Variants in CNBD1 observed in about 807,000 individuals in gnomAD.
The protein encoded by CNBD1 is cyclic nucleotide-binding domain-containing protein 1.
A neutral mutation model predicts 54.4 loss-of-function variants in CNBD1; 71 were observed. The observed-to-expected ratio is 1.30, with a 90% confidence interval of 1.08 to 1.59. CNBD1 has a LOEUF of 1.59. CNBD1 is among the 40% of genes most tolerant of loss of function. The pLI is 0.00. For synonymous variants in CNBD1, 182 were observed against 170.7 expected, an observed-to-expected ratio of 1.07 and a Z score of -0.51; for missense variants, 659 against 518.0, an observed-to-expected ratio of 1.27 and a Z score of -2.64.
At chr8:87,361,269 A>G (rs1446895048) in intron 10 of CNBD1, among the ~76,000 whole-genome samples, 3 of 151,974 alleles carry the variant, frequency 2.0e-5, no homozygotes, top group Non-Finnish European at 4.4e-5. Context: ...TGTAAGTTAC[A>G]AAGTTGAGTG....
intron 3 of CNBD1, among the ~76,000 whole-genome samples, chr8:86,924,304 A>G (rs893961708): frequency 6.6e-6 from 1 of 152,148 alleles, no homozygotes; most frequent in Non-Finnish European, 1.5e-5. Context: ...ACAATTAGTA[A>G]TAATTGTAGG....
intron 8 of CNBD1, among the ~76,000 whole-genome samples, chr8:87,299,888 T>C (rs7833289): frequency 0.38 from 57,550 of 152,044 alleles, 11,156 homozygotes; most frequent in Middle Eastern, 0.45. Flanking sequence ...TATGCAGTGA[T>C]CTTCCATCTC....
chr8:86,893,632 A>C (rs1481154234), intron 2 of CNBD1, among the ~76,000 whole-genome samples: 3 of 152,134 alleles, frequency 2.0e-5, no homozygotes, highest in African/African-American at 7.2e-5. Flanking sequence ...CCATATCACT[A>C]CAGTTAGCCT....
intron 2 of CNBD1, among the ~76,000 whole-genome samples, chr8:87,420,672 T>A (rs1807917895): frequency 6.6e-6 from 1 of 152,128 alleles, no homozygotes; most frequent in Non-Finnish European, 1.5e-5. Context: ...CTTTTGCTAT[T>A]TAAATATAAT....
chr8:87,400,382 A>G (rs954899143), intron 2 of CNBD1, among the ~76,000 whole-genome samples: 1 of 151,970 alleles, frequency 6.6e-6, no homozygotes, highest in Non-Finnish European at 1.5e-5. Context: ...GAATTCCTGA[A>G]AGACTACCAT....
chr8:86,934,634 A>G (rs1280373190), intron 3 of CNBD1, among the ~76,000 whole-genome samples: 1 of 152,178 alleles, frequency 6.6e-6, no homozygotes, highest in East Asian at 1.9e-4. Flanking sequence ...TAATTTTGTC[A>G]TATTAAGTTT....
At chr8:87,415,970 T>C (rs1807827465) in intron 2 of CNBD1, among the ~76,000 whole-genome samples, 1 of 151,660 alleles carries the variant, frequency 6.6e-6, no homozygotes, top group Non-Finnish European at 1.5e-5. Context: ...AAAAAAATCA[T>C]ATGGACATTA....
intron 1 of CNBD1, among the ~76,000 whole-genome samples, chr8:86,883,608 A>G (rs985680293): frequency 6.6e-6 from 1 of 152,204 alleles, no homozygotes; most frequent in African/African-American, 2.4e-5. Context: ...AAAACCCAGT[A>G]AGAAGAAACT....
chr8:87,370,146 G>T (rs1810745199), intron 10 of CNBD1, among the ~76,000 whole-genome samples: 1 of 151,652 alleles, frequency 6.6e-6, no homozygotes, highest in South Asian at 2.1e-4. Flanking sequence ...ATTTGGGTTG[G>T]TTCCAAGTCT....
At chr8:86,985,966 T>C (rs1444190615) in intron 4 of CNBD1, among the ~76,000 whole-genome samples, 1 of 152,168 alleles carries the variant, frequency 6.6e-6, no homozygotes, top group African/African-American at 2.4e-5. Flanking sequence ...AGTCTTGCTA[T>C]GTTGCCCAGG....
chr8:87,413,036 A>G (rs1807775008), intron 2 of CNBD1, among the ~76,000 whole-genome samples: 1 of 151,976 alleles, frequency 6.6e-6, no homozygotes, highest in African/African-American at 2.4e-5. Flanking sequence ...TAGGTCTAGA[A>G]TATAGGAGGG....
intron 10 of CNBD1, among the ~76,000 whole-genome samples, chr8:87,381,923 G>C (rs1586066709): frequency 6.6e-6 from 1 of 151,856 alleles, no homozygotes; most frequent in Non-Finnish European, 1.5e-5. Flanking sequence ...TGGATCTGCT[G>C]TACAACATTC....
intron 4 of CNBD1, among the ~76,000 whole-genome samples, chr8:87,025,600 G>A (rs1430066241): frequency 2.7e-5 from 4 of 150,592 alleles, no homozygotes; most frequent in Non-Finnish European, 5.9e-5. Flanking sequence ...TATGCCACCT[G>A]TAAGAGCTGT....
chr8:87,122,389 A>T (rs1292925208), intron 4 of CNBD1, among the ~76,000 whole-genome samples: 1 of 151,786 alleles, frequency 6.6e-6, no homozygotes, highest in African/African-American at 2.4e-5. Flanking sequence ...TGCCCATTTT[A>T]AAATTGGCTT....
intron 6 of CNBD1, among the ~76,000 whole-genome samples, chr8:87,283,157 A>G (rs1182506783): frequency 6.6e-6 from 1 of 152,022 alleles, no homozygotes; most frequent in Non-Finnish European, 1.5e-5. Flanking sequence ...TATATTATCC[A>G]TGTAATGAAT....
At chr8:87,386,513 A>C (rs1249260107), downstream of CNBD1, among the ~76,000 whole-genome samples, 1 of 152,204 alleles carries the variant, frequency 6.6e-6, no homozygotes, top group East Asian at 1.9e-4. Context: ...AATGGGTATC[A>C]GTGATTGAAG....
At chr8:87,183,089 G>T (rs1366491628) in intron 4 of CNBD1, among the ~76,000 whole-genome samples, 1 of 152,036 alleles carries the variant, frequency 6.6e-6, no homozygotes, top group Non-Finnish European at 1.5e-5. Flanking sequence ...TGGTGAAAGG[G>T]CAGGGTCCAG....
At chr8:87,035,924 G>C (rs569458131) in intron 4 of CNBD1, among the ~76,000 whole-genome samples, 5 of 152,132 alleles carry the variant, frequency 3.3e-5, no homozygotes, top group Non-Finnish European at 7.4e-5. Flanking sequence ...AGAATGAGAT[G>C]AAGAATTCCC....
intron 10 of CNBD1, among the ~76,000 whole-genome samples, chr8:87,380,573 A>G (rs1811053664): frequency 2.0e-5 from 3 of 151,982 alleles, no homozygotes; most frequent in Admixed American, 1.3e-4. Context: ...TAGGATTTTA[A>G]TAGAAGTTTT....
Sources: allele counts gnomAD v4.1 joint callset (sites outside exome capture counted in the v4.1 genomes callset), GRCh38; gene constraint gnomAD v4.1.1; transcripts MANE v1.5; gene names NCBI Gene and HGNC (gene_info 2026-07-23, HGNC 2026-07-21).